The following EPM2A variants were observed in gnomAD, a reference collection of about 807,000 sequenced individuals.
EPM2A encodes the protein laforin.
Under a neutral mutation model 26.5 loss-of-function variants are expected in EPM2A, and 21 were observed. The ratio of observed to expected loss-of-function variants is 0.79; its 90% CI spans 0.56 to 1.14. The LOEUF is 1.14. Among genes scored for constraint, EPM2A ranks in the 50% most tolerant of loss-of-function variants. The probability of loss-of-function intolerance (pLI) is 0.00; values close to 1 mark genes in which losing one functional copy is unlikely to be tolerated. For missense variants in EPM2A, 458 were observed against 440.8 expected (o/e 1.04, Z -0.35); for synonymous variants, 217 against 177.6 (o/e 1.22, Z -1.76).
chr6:145,704,166 G>A (rs1409847829), intron 1 of EPM2A, among the ~76,000 whole-genome samples: 1 of 152,126 alleles, frequency 6.6e-6, no homozygotes, highest in East Asian at 1.9e-4. Flanking sequence ...TAAAGAGACT[G>A]CAGTCACATT....
rs1223558074 is a variant in EPM2A, at chr6:145,735,337, C to A, written c.162G>T (p.Leu54=). The A allele has an allele frequency of 7.3e-7, 1 of 1,367,998 alleles. No homozygotes were observed. Among genetic ancestry groups the A allele is most frequent in the Non-Finnish European group, 9.5e-7 (1 of 1,051,832 alleles). The allele number at this position is 1,367,998 out of a possible 1,614,324, so 84.7% of individuals were successfully genotyped here. The change falls in exon 1 of 4, where the codon CTG becomes CTT. Residue 54 remains leucine, a synonymous_variant. Coordinates refer to ENST00000367519, the MANE Select transcript of EPM2A (RefSeq NM_005670.4). ...GTAAGDGALA[L]QEPGLWLGEV... is the part of the protein sequence containing the mutation. ...CCCCGAGCCACAGGCCCGGCTCCTG[C>A]AGGGCCAGGGCCCCGTCGCCCGCCG...
chr6:145,550,017 G>A (rs951183217), intron 2 of EPM2A, among the ~76,000 whole-genome samples: 3 of 152,108 alleles, frequency 2.0e-5, no homozygotes, highest in Non-Finnish European at 4.4e-5. Flanking sequence ...GCAGAGTCCA[G>A]TAGAACCGAA....
At chr6:145,586,428 T>C (rs1781196916) in intron 2 of EPM2A, among the ~76,000 whole-genome samples, 1 of 152,210 alleles carries the variant, frequency 6.6e-6, no homozygotes, top group African/African-American at 2.4e-5. Flanking sequence ...GGGCTTGCCA[T>C]ATGGAATAAG....
chr6:145,656,329 G>A (rs1338703045), intron 2 of EPM2A, among the ~76,000 whole-genome samples: 1 of 152,218 alleles, frequency 6.6e-6, no homozygotes, highest in Admixed American at 6.5e-5. Flanking sequence ...CCAGATGGGA[G>A]CCCAGAGAGC....
rs182144468 is a variant in EPM2A, at chr6:145,708,033, G to A, written c.302-21737C>T. Among the ~76,000 whole-genome samples, 3 of 152,280 alleles carry A rather than the reference G, an allele frequency of 2.0e-5. No individual in the cohort carries two copies. In the East Asian group the frequency reaches 5.8e-4, roughly 29 times the overall value. ...CAGATGGAGATGAGGAACTTCTTGT[G>A]AACTGGAGTAAAGGTCACTCTTGCT... On this transcript the variant is annotated intron_variant, in intron 1 of 3. Coordinates refer to ENST00000367519, the MANE Select transcript of EPM2A (RefSeq NM_005670.4).
In EPM2A at chr6:145,487,270, T is replaced by C. The variant is rs149673035; in HGVS notation, c.555+15252A>G. On this transcript the variant is annotated intron_variant, in intron 4 of 4. Coordinates refer to the EPM2A transcript ENST00000638717. ...TGGGCATTTAGGTTGATTCCCTATCTTTGTTGTTGTGAATATTGCTACAAT... is the reference window on the plus strand; with the variant it reads ...TGGGCATTTAGGTTGATTCCCTATCCTTGTTGTTGTGAATATTGCTACAAT... Among the ~76,000 whole-genome samples the C allele has an allele frequency of 9.3e-4, 142 of 152,316 alleles. 1 individual carries two copies. Among genetic ancestry groups the C allele is most frequent in the Non-Finnish European group, 1.5e-3 (100 of 68,022 alleles).
At chr6:145,417,860 C>A (rs997852566) in intron 4 of EPM2A, among the ~76,000 whole-genome samples, 7 of 152,118 alleles carry the variant, frequency 4.6e-5, no homozygotes, top group Non-Finnish European at 2.9e-5. Flanking sequence ...ACCTCGAGAG[C>A]AGCTCTTTGA....
At chr6:145,677,336 G>T (rs1297032090) in intron 2 of EPM2A, among the ~76,000 whole-genome samples, 1 of 152,126 alleles carries the variant, frequency 6.6e-6, no homozygotes, top group Admixed American at 6.5e-5. Context: ...ATACTGAATG[G>T]GCAAAAATTG....
rs1055401940 is a variant in EPM2A at position 145,502,396 on chromosome 6, C to T, written c.394+126G>A. On this transcript the variant is annotated intron_variant, in intron 3 of 3. Coordinates refer to the EPM2A transcript ENST00000450221. ...ATTCCTTGCTTCTGCAAAGTCATCT[C>T]GAAGTGAGCCATAGAGCAGTGTCCT... 1.2e-4 allele frequency: 44 copies of T among 368,848 alleles called. 1 individual carries two copies. Among genetic ancestry groups the T allele is most frequent in the South Asian group, 3.4e-4 (17 of 50,334 alleles). The allele number at this position is 368,848 out of a possible 1,614,324, so 22.8% of individuals were successfully genotyped here.
chr6:145,731,730 CAT>C (rs201246677), intron 1 of EPM2A, among the ~76,000 whole-genome samples: 1,651 of 151,918 alleles, frequency 0.011, 13 homozygotes, highest in Admixed American at 0.018. Flanking sequence ...ACATTCTGCA[CAT>C]ATATGTCATT....
At chr6:145,706,350 C>A (rs2128628972) in intron 1 of EPM2A, among the ~76,000 whole-genome samples, 1 of 152,306 alleles carries the variant, frequency 6.6e-6, no homozygotes, top group South Asian at 2.1e-4. Context: ...TGTAAACCTG[C>A]AAACAGTTGA....
chr6:145,437,111 G>A (rs1178861321), intron 4 of EPM2A, among the ~76,000 whole-genome samples: 13 of 152,128 alleles, frequency 8.5e-5, no homozygotes, highest in Non-Finnish European at 2.9e-5. Context: ...GGTAGGGCCT[G>A]GTGGGAGGTA....
intron 1 of EPM2A, among the ~76,000 whole-genome samples, chr6:145,722,069 A>G (rs1334869732): frequency 1.3e-5 from 2 of 152,232 alleles, no homozygotes; most frequent in East Asian, 1.9e-4. Context: ...TAACCCTGGT[A>G]AATGATGGAA....
intron 1 of EPM2A, among the ~76,000 whole-genome samples, chr6:145,708,684 A>G (rs1782365659): frequency 6.6e-6 from 1 of 152,212 alleles, no homozygotes; most frequent in African/African-American, 2.4e-5. Flanking sequence ...GTCCTCATGC[A>G]GAACCTCTGC....
At chr6:145,706,225 AG>A (rs1782214266) in intron 1 of EPM2A, among the ~76,000 whole-genome samples, 2 of 152,148 alleles carry the variant, frequency 1.3e-5, no homozygotes, top group African/African-American at 4.8e-5. Context: ...ATTACACTGT[AG>A]GGTTGCTTAT....
chr6:145,530,844 C>A (rs184947137), intron 2 of EPM2A, among the ~76,000 whole-genome samples: 280 of 152,270 alleles, frequency 1.8e-3, no homozygotes, highest in African/African-American at 5.6e-3. Context: ...GCAAGGAAGG[C>A]TTTACAAACA....
intron 2 of EPM2A, among the ~76,000 whole-genome samples, chr6:145,510,121 C>T (rs954130585): frequency 4.0e-5 from 6 of 151,590 alleles, no homozygotes; most frequent in African/African-American, 1.2e-4. Context: ...AAAGACTTAA[C>T]GCAGCCACAC....
chr6:145,581,220 A>G (rs190825395), intron 2 of EPM2A, among the ~76,000 whole-genome samples: 1 of 152,242 alleles, frequency 6.6e-6, no homozygotes, highest in Admixed American at 6.5e-5. Context: ...ATGGTATGTC[A>G]GTGTGGTTTT....
At chr6:145,402,155 G>A (rs1778499121) in intron 4 of EPM2A, among the ~76,000 whole-genome samples, 1 of 152,082 alleles carries the variant, frequency 6.6e-6, no homozygotes, top group African/African-American at 2.4e-5. Flanking sequence ...ATGGAAGAAA[G>A]CTGGCCAACA....
Sources: allele counts gnomAD v4.1 joint callset (sites outside exome capture counted in the v4.1 genomes callset), GRCh38; gene constraint gnomAD v4.1.1; transcripts MANE v1.5; gene names NCBI Gene and HGNC (gene_info 2026-07-23, HGNC 2026-07-21).